Variants in MRPL37 observed in about 807,000 individuals in gnomAD.
MRPL37 encodes the protein large ribosomal subunit protein mL37.
MRPL37 carries 34 observed loss-of-function variants against 44.1 expected under a neutral mutation model. That is an observed-to-expected ratio of 0.77 (90% CI 0.59 to 1.03). The LOEUF is 1.03. Among genes scored for constraint, MRPL37 ranks in the 50% least tolerant of loss-of-function variants. The pLI is 0.00. For missense variants in MRPL37, 532 were observed against 543.7 expected (o/e 0.98, Z 0.21); for synonymous variants, 212 against 219.5 (o/e 0.97, Z 0.30).
chr1:54,205,750 C>T (rs1324260825), intron 3 of MRPL37, among the ~76,000 whole-genome samples: 1 of 152,202 alleles, frequency 6.6e-6, no homozygotes, highest in African/African-American at 2.4e-5. Flanking sequence ...TATTCTATTG[C>T]AATAGTCTTC....
At position 54,210,110 on chromosome 1, in the gene MRPL37, T is replaced by C; in HGVS notation, c.811T>C (p.Tyr271His). The C allele has an allele frequency of 6.2e-6, 10 of 1,614,030 alleles. No homozygotes were observed. The highest frequency in any genetic ancestry group is 8.5e-6 in the Non-Finnish European group (10 of 1,179,940). The change falls in exon 4 of 7, where the codon TAT becomes CAT. Residue 271 changes from tyrosine (Y) to histidine (H), a missense_variant. By Grantham distance (83) the Tyr-to-His change is moderately conservative (BLOSUM62 2). Coordinates refer to ENST00000360840, the MANE Select transcript of MRPL37 (RefSeq NM_016491.4). Reference sequence around the variant, plus strand: ...CATCGATCTTCATGAATGCAATATTTATGATGTGAAAAATGACACAGGTAA... The same window carrying C: ...CATCGATCTTCATGAATGCAATATTCATGATGTGAAAAATGACACAGGTAA... ...PIIDLHECNI[Y>H]DVKNDTGFQE...
At chr1:54,216,003 T>C (rs1302903009) in intron 5 of MRPL37, 138 bp from the exon 6 acceptor site, 1 of 911,706 alleles carries the variant, frequency 1.1e-6, no homozygotes, top group Non-Finnish European at 1.7e-6. Flanking sequence ...CTCATTCTAT[T>C]TTAATTGTCC....
At chr1:54,204,505 T>C (rs1362660615) in intron 1 of MRPL37, among the ~76,000 whole-genome samples, 2 of 152,334 alleles carry the variant, frequency 1.3e-5, no homozygotes, top group East Asian at 3.9e-4. Flanking sequence ...CCGAAAGTTA[T>C]TCCCAGTTAT....
downstream of MRPL37, among the ~76,000 whole-genome samples, chr1:54,221,712 A>G (rs994771028): frequency 6.6e-6 from 1 of 151,990 alleles, no homozygotes; most frequent in African/African-American, 2.4e-5. Context: ...GCACACACAC[A>G]CACGTGTACA....
At position 54,205,215 on chromosome 1, in the gene MRPL37, A is replaced by G. The variant is rs1258305336; in HGVS notation, c.530+14A>G. On this transcript the variant is annotated intron_variant, in intron 2 of 6. Transcript: ENST00000360840. ...AGAGACCTACTGGTAAGTTCCCCCA[A>G]GTAAAGAAGATTTCCTACTAATGGA... The G allele has an allele frequency of 6.2e-7, 1 of 1,607,844 alleles. No homozygotes were observed. The highest frequency in any genetic ancestry group is 8.5e-7 in the Non-Finnish European group (1 of 1,175,074).
At chr1:54,205,933 C>T (rs549900805) in intron 3 of MRPL37, among the ~76,000 whole-genome samples, 1 of 152,252 alleles carries the variant, frequency 6.6e-6, no homozygotes. Flanking sequence ...TTGGTCGCCA[C>T]TTAGTCTTTC....
downstream of MRPL37, among the ~76,000 whole-genome samples, chr1:54,218,579 C>T (rs749407508): frequency 4.6e-5 from 7 of 152,206 alleles, no homozygotes; most frequent in Non-Finnish European, 1.0e-4. Context: ...GTTGAAGACT[C>T]TGGGTTATGT....
intron 4 of MRPL37, among the ~76,000 whole-genome samples, chr1:54,211,890 C>T (rs956125490): frequency 3.3e-5 from 5 of 152,112 alleles, no homozygotes; most frequent in East Asian, 1.9e-4. Flanking sequence ...CGTAGCCATG[C>T]GGGAGAAGAG....
chr1:54,220,659 A>G (rs1438479046), downstream of MRPL37: 9 of 471,474 alleles, frequency 1.9e-5, no homozygotes, highest in South Asian at 1.1e-4. Context: ...CTTCGTCCTC[A>G]CTCCCTCATT....
intron 4 of MRPL37, among the ~76,000 whole-genome samples, chr1:54,211,224 G>T (rs540292874): frequency 6.6e-6 from 1 of 152,188 alleles, no homozygotes; most frequent in East Asian, 1.9e-4. Context: ...TCCTCCCACA[G>T]CCCCTGACTT....
At chr1:54,215,158 T>C (rs1644188921) in intron 5 of MRPL37, among the ~76,000 whole-genome samples, 1 of 152,058 alleles carries the variant, frequency 6.6e-6, no homozygotes, top group African/African-American at 2.4e-5. Flanking sequence ...TGGGACACCA[T>C]TGAGAATAAT....
At chr1:54,205,918 A>G (rs560610930) in intron 3 of MRPL37, among the ~76,000 whole-genome samples, 1 of 152,080 alleles carries the variant, frequency 6.6e-6, no homozygotes, top group Non-Finnish European at 1.5e-5. Context: ...ACCAGCCCTC[A>G]TGATTTGGTC....
chr1:54,224,892 A>C (rs918473218), downstream of MRPL37, among the ~76,000 whole-genome samples: 68 of 151,482 alleles, frequency 4.5e-4, no homozygotes, highest in Middle Eastern at 3.4e-3. Flanking sequence ...AGTAGACTGC[A>C]CTACTCTCAA....
intron 3 of MRPL37, among the ~76,000 whole-genome samples, chr1:54,208,548 C>CAAAAAAAA (rs57185627): frequency 8.5e-5 from 6 of 70,942 alleles, no homozygotes; most frequent in African/African-American, 2.5e-4. Context: ...GACTCCGTCT[C>CAAAAAAAA]AAAAAAAAAA....
chr1:54,200,297 C>T lies in MRPL37; in HGVS notation c.54C>T (p.Leu18=), dbSNP rs1337318447. ...GGGCGCTAGCTGGCTCCGGGCAGCT[C>T]GGCCTTGGGGGCTTCGGGGCCCCGA... ...ARRALAGSGQ[L]GLGGFGAPRR... The change falls in exon 1 of 7, where the codon CTC becomes CTT. Residue 18 remains leucine, a synonymous_variant. Transcript: ENST00000360840. The T allele has an allele frequency of 4.3e-6, 7 of 1,610,486 alleles. No homozygotes were observed. In the East Asian group the frequency reaches 8.9e-5, roughly 21 times the overall value.
At position 54,216,126 on chromosome 1, in the gene MRPL37, C is replaced by T. The variant is rs1218995845; in HGVS notation, c.991-15C>T. 7 of 1,613,936 alleles carry T rather than the reference C, an allele frequency of 4.3e-6. No homozygotes were observed. The Admixed American group carries it at 5.0e-5, about 12-fold the overall frequency. The stretch of plus-strand genomic sequence containing the variant: ...CAGCTTCTGATTTGTTTTCCTTGTC[C>T]CCTTTTCCTCTCAGAATGATGCCAA... On this transcript the variant is annotated splice_polypyrimidine_tract_variant and intron_variant, in intron 5 of 6. Transcript: ENST00000360840.
At chr1:54,205,272 A>G in intron 2 of MRPL37, 23 bp from the exon 3 acceptor site, 1 of 1,609,846 alleles carries the variant, frequency 6.2e-7, no homozygotes, top group Admixed American at 1.7e-5. Context: ...TTAAGTCCCC[A>G]AATGTCTCTT....
chr1:54,212,478 C>A, intron 4 of MRPL37, 23 bp from the exon 5 acceptor site: 1 of 1,611,744 alleles, frequency 6.2e-7, no homozygotes, highest in Non-Finnish European at 8.5e-7. Flanking sequence ...TTCCACCCCT[C>A]CACATAATTG....
chr1:54,201,615 ACT>A (rs563761721), intron 1 of MRPL37, among the ~76,000 whole-genome samples: 2 of 152,296 alleles, frequency 1.3e-5, no homozygotes, highest in South Asian at 4.1e-4. Context: ...CTGTAATAAA[ACT>A]CTGCAGGATA....
Sources: allele counts gnomAD v4.1 joint callset (sites outside exome capture counted in the v4.1 genomes callset), GRCh38; gene constraint gnomAD v4.1.1; transcripts MANE v1.5; gene names NCBI Gene and HGNC (gene_info 2026-07-23, HGNC 2026-07-21).